Variants in RREB1 observed in about 807,000 individuals in gnomAD.
The protein encoded by RREB1 is ras-responsive element-binding protein 1.
Under a neutral mutation model 117.8 loss-of-function variants are expected in RREB1, and 27 were observed. The ratio of observed to expected loss-of-function variants is 0.23; its 90% CI spans 0.17 to 0.32. The LOEUF is 0.32. Among genes scored for constraint, RREB1 ranks in the 10% least tolerant of loss-of-function variants. The pLI, the probability that RREB1 is intolerant of heterozygous loss-of-function variation, is 1.00. For synonymous variants in RREB1, 1,298 were observed against 1,026.7 expected (o/e 1.26, Z -5.05); for missense variants, 2,577 against 2,378.2 (o/e 1.08, Z -1.74).
At chr6:7,202,175 G>C (rs1288955895) in intron 6 of RREB1, among the ~76,000 whole-genome samples, 1 of 151,942 alleles carries the variant, frequency 6.6e-6, no homozygotes, top group Non-Finnish European at 1.5e-5. Context: ...GCTGCTTCTT[G>C]CACTCGCCCA....
rs1277655971 is a variant in RREB1 at position 7,226,767 on chromosome 6, G to A, written c.897+111G>A. On this transcript the variant is annotated intron_variant, in intron 9 of 12. Transcript: ENST00000379938. ...TTTCTTTCCTTAAAATGTCGGTTGG[G>A]CTTTGTCTTTTTTTGTAACACCTTT... The A allele has an allele frequency of 4.6e-6, 4 of 863,668 alleles. No individual in the cohort carries two copies. In the East Asian group the frequency reaches 9.9e-5, roughly 21 times the overall value. The allele number at this position is 863,668 out of a possible 1,614,324, so 53.5% of individuals were successfully genotyped here. A position where few individuals can be genotyped will look rare whatever the true frequency, so the allele number is the denominator to read the frequency against.
intron 1 of RREB1, among the ~76,000 whole-genome samples, chr6:7,156,690 G>C (rs879329074): frequency 6.6e-6 from 1 of 152,242 alleles, no homozygotes; most frequent in Non-Finnish European, 1.5e-5. Context: ...CTATGTGTGT[G>C]AATTGGGCAT....
chr6:7,146,948 GA>G (rs1417042881), intron 1 of RREB1, among the ~76,000 whole-genome samples: 3 of 152,280 alleles, frequency 2.0e-5, no homozygotes, highest in South Asian at 4.2e-4. Context: ...GTTTTAGAAT[GA>G]AACCGTACTT....
At chr6:7,243,819 T>C (rs1740297078) in intron 11 of RREB1, among the ~76,000 whole-genome samples, 1 of 152,190 alleles carries the variant, frequency 6.6e-6, no homozygotes, top group African/African-American at 2.4e-5. Flanking sequence ...TGTTTCAAAA[T>C]TTATTTTACT....
chr6:7,207,024 T>TC (rs1477488099), intron 6 of RREB1, among the ~76,000 whole-genome samples: 9 of 152,154 alleles, frequency 5.9e-5, no homozygotes, highest in Admixed American at 5.9e-4. Context: ...GTATGATTGG[T>TC]CCTGTGTTTT....
intron 1 of RREB1, among the ~76,000 whole-genome samples, chr6:7,121,941 A>G (rs1761698737): frequency 6.6e-6 from 1 of 152,152 alleles, no homozygotes; most frequent in African/African-American, 2.4e-5. Context: ...CCGGCCACTC[A>G]GCAAGTGGTT....
chr6:7,203,988 G>A (rs1238554306), intron 6 of RREB1, among the ~76,000 whole-genome samples: 10 of 152,276 alleles, frequency 6.6e-5, no homozygotes, highest in East Asian at 5.8e-4. Flanking sequence ...TGCAGTGTCC[G>A]GTGCATTTCA....
At chr6:7,186,997 G>A (rs992000567) in intron 4 of RREB1, among the ~76,000 whole-genome samples, 1 of 152,198 alleles carries the variant, frequency 6.6e-6, no homozygotes, top group African/African-American at 2.4e-5. Flanking sequence ...TATCTCTCAG[G>A]TGTTCTTGGA....
intron 3 of RREB1, chr6:7,181,636 G>C (rs1187297973): frequency 3.4e-6 from 2 of 594,998 alleles, no homozygotes; most frequent in African/African-American, 3.7e-5. Flanking sequence ...TTTGAGTCCT[G>C]TTGGTAGTGC....
chr6:7,172,472 T>G (rs1271119846), intron 1 of RREB1, among the ~76,000 whole-genome samples: 2 of 151,356 alleles, frequency 1.3e-5, no homozygotes, highest in East Asian at 3.9e-4. Flanking sequence ...GGTCTTGAAC[T>G]CCTAACCTCA....
At chr6:7,126,204 G>A (rs1412635620) in intron 1 of RREB1, among the ~76,000 whole-genome samples, 1 of 152,078 alleles carries the variant, frequency 6.6e-6, no homozygotes, top group African/African-American at 2.4e-5. Flanking sequence ...GTTTCACTAT[G>A]TTGGTCAGGC....
Position 7,248,574 on chromosome 6 carries a change from G to A in RREB1, c.4835G>A (p.Arg1612His). Residue 1612 changes from arginine (R) to histidine (H), a missense_variant, in exon 13 of 13, where the codon CGC (arginine) becomes CAC (histidine). Arg to His is a conservative substitution (Grantham distance 29, BLOSUM62 0). Transcript: ENST00000379938. ...TTCACCTTGAAGCACAGCCTGGTTC[G>A]CCACCAGCGGATCCACCAGAAAGCC... ...RTFTLKHSLV[R>H]HQRIHQKARH... 1 of 1,614,240 alleles carries A rather than the reference G, an allele frequency of 6.2e-7. No individual in the cohort carries two copies. The highest frequency in any genetic ancestry group is 8.5e-7 in the Non-Finnish European group (1 of 1,180,032).
chr6:7,245,022 A>C (rs1425112810), intron 11 of RREB1, among the ~76,000 whole-genome samples: 1 of 152,226 alleles, frequency 6.6e-6, no homozygotes, highest in African/African-American at 2.4e-5. Context: ...CTATTGAGGG[A>C]GGGGCATCTC....
chr6:7,243,047 C>T (rs1185195693), intron 11 of RREB1, among the ~76,000 whole-genome samples: 2 of 152,166 alleles, frequency 1.3e-5, no homozygotes, highest in Admixed American at 6.5e-5. Flanking sequence ...GTTTTTAATT[C>T]GTATAAACAT....
chr6:7,215,455 A>G (rs2113026097), intron 8 of RREB1: 1 of 152,224 alleles, frequency 6.6e-6, no homozygotes, highest in African/African-American at 2.4e-5. Context: ...CTTCCACCTC[A>G]GCCTCCCAAG....
In RREB1 at chr6:7,229,822, A is replaced by G. The variant is rs1371563682; in HGVS notation, c.1723A>G (p.Thr575Ala). The G allele has an allele frequency of 6.2e-7, 1 of 1,610,454 alleles. No homozygotes were observed. The highest frequency in any genetic ancestry group is 1.7e-5 in the Admixed American group (1 of 59,826). The stretch of plus-strand genomic sequence containing the variant: ...GTCCGGGACCCAGCCCCACGCGGCC[A>G]CGCGGCTCTCCCTGCAGCAGCCGCG... ...SKSGTQPHAA[T>A]RLSLQQPRAE... Residue 575 changes from threonine (T) to alanine (A), a missense_variant, in exon 10 of 13, where the codon ACG becomes GCG. By Grantham distance (58) the Thr-to-Ala change is moderately conservative. Transcript: ENST00000379938. The surrounding 1 kb of genome is among the most constrained non-coding windows in gnomAD (Gnocchi z 4.5).
intron 1 of RREB1, among the ~76,000 whole-genome samples, chr6:7,125,986 T>TG (rs1366552210): frequency 5.9e-5 from 8 of 134,926 alleles, no homozygotes; most frequent in Non-Finnish European, 1.2e-4. Context: ...GAAGGACTGT[T>TG]TTTTGTTTGT....
Position 7,226,719 on chromosome 6 carries a change from A to T in RREB1, c.897+63A>T, listed in dbSNP as rs960491984. The T allele has an allele frequency of 7.1e-6, 9 of 1,271,630 alleles. No homozygotes were observed. The African/African-American group carries it at 1.2e-4, about 17-fold the overall frequency. 78.8% of individuals were successfully genotyped at this position (1,271,630 alleles called of 1,614,324 possible). A position where few individuals can be genotyped will look rare whatever the true frequency, so the allele number is the denominator to read the frequency against. Reference sequence around the variant, plus strand: ...CTTCCATGGTCCACACAGTTAGACCATGGGAACTTCCTCTCCTCAGGGTTT... The same window carrying T: ...CTTCCATGGTCCACACAGTTAGACCTTGGGAACTTCCTCTCCTCAGGGTTT... On this transcript the variant is annotated intron_variant, in intron 9 of 12. Transcript: ENST00000379938.
intron 6 of RREB1, among the ~76,000 whole-genome samples, chr6:7,192,269 G>A (rs1478280745): frequency 6.6e-6 from 1 of 151,364 alleles, no homozygotes; most frequent in African/African-American, 2.4e-5. Flanking sequence ...CTCGGCTCAC[G>A]GCAACCTGCG....
Sources: gnomAD v4.1 joint callset for allele counts (sites outside exome capture counted in the v4.1 genomes callset) on GRCh38, gnomAD v4.1.1 for gene constraint, Gnocchi (gnomAD v3.1) non-coding constraint, MANE v1.5 for transcripts, NCBI Gene and HGNC (gene_info 2026-07-23, HGNC 2026-07-21) for gene names.